BLTP2: variants seen among roughly 807,000 people sequenced by gnomAD.
The protein encoded by BLTP2 is bridge-like lipid transfer protein family member 2.
the BLTP2 span, among the ~76,000 whole-genome samples, chr17:28,617,582 G>A: frequency 6.6e-6 from 1 of 152,154 alleles, no homozygotes; most frequent in Non-Finnish European, 1.5e-5. Flanking sequence ...CCTCTGGTAG[G>A]AGAAAGTAAT....
chr17:28,628,152 T>C, the BLTP2 span: 1 of 910,762 alleles, frequency 1.1e-6, no homozygotes, highest in Admixed American at 2.5e-5. Context: ...AATAATAGTT[T>C]CACTTCTTTA....
chr17:28,618,806 C>T, the BLTP2 span: 1 of 1,613,756 alleles, frequency 6.2e-7, no homozygotes, highest in Non-Finnish European at 8.5e-7. Flanking sequence ...TGTAGAGGAA[C>T]CTCTGCAGTT....
At chr17:28,632,088 G>A in the BLTP2 span, 11 of 1,614,182 alleles carry the variant, frequency 6.8e-6, no homozygotes, top group Non-Finnish European at 8.5e-6. Flanking sequence ...AAAGTTGCTT[G>A]TAGTGCTGAC....
chr17:28,618,545 C>G, the BLTP2 span, among the ~76,000 whole-genome samples: 2 of 152,128 alleles, frequency 1.3e-5, no homozygotes, highest in African/African-American at 4.8e-5. Context: ...TATTTTATTT[C>G]TTTGTTCATT....
At chr17:28,624,475 CA>C in the BLTP2 span, 1 of 1,226,700 alleles carries the variant, frequency 8.2e-7, no homozygotes, top group Admixed American at 2.2e-5. Flanking sequence ...GATCTTCCCT[CA>C]ATTTATCTGG....
chr17:28,645,124 C>G, the BLTP2 span: 1 of 1,373,132 alleles, frequency 7.3e-7, no homozygotes, highest in Non-Finnish European at 9.6e-7. Context: ...CGGATCCGCG[C>G]AGCACCGCCG....
the BLTP2 span, among the ~76,000 whole-genome samples, chr17:28,621,940 C>A: frequency 6.6e-6 from 1 of 152,108 alleles, no homozygotes; most frequent in African/African-American, 2.4e-5. Flanking sequence ...CTCTGCCAAG[C>A]TGAAGTCAGA....
chr17:28,628,216 A>T, the BLTP2 span: 1 of 1,512,662 alleles, frequency 6.6e-7, no homozygotes. Context: ...CCAAGCCCAT[A>T]TCCATGTTCT....
At chr17:28,632,904 A>G in the BLTP2 span, 1 of 1,456,204 alleles carries the variant, frequency 6.9e-7, no homozygotes, top group Non-Finnish European at 9.2e-7. Context: ...CCGTCCTCCC[A>G]AGCCCTTCCT....
chr17:28,628,556 GCTC>G, the BLTP2 span: 6 of 1,612,710 alleles, frequency 3.7e-6, no homozygotes, highest in Non-Finnish European at 5.1e-6. Context: ...CGAGCAGAGA[GCTC>G]CTAAGAAACA....
At chr17:28,621,048 T>C in the BLTP2 span, 2 of 1,614,212 alleles carry the variant, frequency 1.2e-6, no homozygotes, top group Admixed American at 1.7e-5. Context: ...GGTGGCTTAA[T>C]CTGAGTTGCT....
the BLTP2 span, chr17:28,618,675 A>G: frequency 1.3e-6 from 1 of 769,456 alleles, no homozygotes; most frequent in South Asian, 1.9e-5. Flanking sequence ...TGATACTATC[A>G]TTAATAATCA....
the BLTP2 span, chr17:28,633,273 C>T: frequency 6.2e-7 from 1 of 1,608,924 alleles, no homozygotes; most frequent in Non-Finnish European, 8.5e-7. Context: ...CCTCCCTTCA[C>T]TCCACTCACT....
the BLTP2 span, among the ~76,000 whole-genome samples, chr17:28,622,334 C>G: frequency 6.6e-6 from 1 of 152,222 alleles, no homozygotes; most frequent in Non-Finnish European, 1.5e-5. Context: ...GGCTTAACAT[C>G]TGATCTAAAT....
the BLTP2 span, chr17:28,638,426 G>A: frequency 6.2e-7 from 1 of 1,612,156 alleles, no homozygotes; most frequent in Non-Finnish European, 8.5e-7. Context: ...CTGAACAAAG[G>A]TGAGAAAGAG....
At chr17:28,632,906 G>A in the BLTP2 span, 1 of 1,449,538 alleles carries the variant, frequency 6.9e-7, no homozygotes, top group Non-Finnish European at 9.2e-7. Context: ...GTCCTCCCAA[G>A]CCCTTCCTCC....
At chr17:28,634,586 G>C in the BLTP2 span, 9 of 1,614,180 alleles carry the variant, frequency 5.6e-6, no homozygotes, top group Non-Finnish European at 6.8e-6. Context: ...CCCTCAGGGG[G>C]AAAAGGGCTG....
chr17:28,642,641 ACT>A, the BLTP2 span, among the ~76,000 whole-genome samples: 4 of 151,914 alleles, frequency 2.6e-5, no homozygotes, highest in East Asian at 7.7e-4. Flanking sequence ...ACAGAGCAAG[ACT>A]CTGTCTCAAA....
At chr17:28,618,213 G>A in the BLTP2 span, among the ~76,000 whole-genome samples, 2 of 151,924 alleles carry the variant, frequency 1.3e-5, no homozygotes, top group African/African-American at 2.4e-5. Flanking sequence ...GATTACAGGT[G>A]TGAGCCACCG....
Sources: gnomAD v4.1 joint callset for allele counts (sites outside exome capture counted in the v4.1 genomes callset) on GRCh38, gnomAD v4.1.1 for gene constraint, MANE v1.5 for transcripts, NCBI Gene and HGNC (gene_info 2026-07-23, HGNC 2026-07-21) for gene names.